The following WDR59 variants were observed in gnomAD, a reference collection of about 807,000 sequenced individuals.
The protein encoded by WDR59 is WD repeat domain 59.
Under a neutral mutation model 131.2 loss-of-function variants are expected in WDR59, and 100 were observed. The ratio of observed to expected loss-of-function variants is 0.76; its 90% CI spans 0.65 to 0.90. WDR59 has a LOEUF of 0.90. Ranked by LOEUF, WDR59 falls within the 40% of genes least tolerant of loss-of-function variation. The probability of loss-of-function intolerance (pLI) is 0.00; values close to 1 mark genes in which losing one functional copy is unlikely to be tolerated. For missense variants in WDR59, 1,203 were observed against 1,262.2 expected (o/e 0.95, Z 0.71); for synonymous variants, 601 against 466.2 (o/e 1.29, Z -3.72).
intron 6 of WDR59, among the ~76,000 whole-genome samples, chr16:74,944,604 G>C (rs1456271954): frequency 6.6e-6 from 1 of 152,004 alleles, no homozygotes; most frequent in African/African-American, 2.4e-5. Flanking sequence ...CCCCCTGAGA[G>C]ATGGGGACCA....
intron 3 of WDR59, among the ~76,000 whole-genome samples, chr16:74,956,249 C>G (rs191854603): frequency 5.9e-5 from 9 of 152,310 alleles, no homozygotes; most frequent in Non-Finnish European, 4.4e-5. Flanking sequence ...CTTTCAAAAT[C>G]TGAATTCAGT....
In WDR59 at chr16:74,886,414, G is replaced by A; in HGVS notation, c.2420-18C>T. The A allele has an allele frequency of 6.2e-7, 1 of 1,610,226 alleles. No individual in the cohort carries two copies. ...TCTTCCCGCTGAAGAAAATCAAATG[G>A]GAAGGGAAGATGGCAATCAGAGAAG... On this transcript the variant is annotated intron_variant, in intron 23 of 25. Coordinates refer to ENST00000262144, the MANE Select transcript of WDR59 (RefSeq NM_030581.4).
intron 18 of WDR59, among the ~76,000 whole-genome samples, chr16:74,894,145 T>C (rs910651730): frequency 6.6e-6 from 1 of 152,176 alleles, no homozygotes; most frequent in South Asian, 2.1e-4. Flanking sequence ...GGGAGAACAA[T>C]TTTTAGATTG....
chr16:74,912,316 T>G lies in WDR59; in HGVS notation c.1271A>C (p.Asn424Thr). 1.2e-6 allele frequency: 2 copies of G among 1,614,134 alleles called. No individual in the cohort carries two copies. The highest frequency in any genetic ancestry group is 2.2e-5 in the South Asian group (2 of 91,084). The change falls in exon 14 of 26, where the codon AAC (asparagine) becomes ACC (threonine). Residue 424 changes from asparagine (N) to threonine (T), a missense_variant. Physicochemically the swap from Asn to Thr is moderately conservative, Grantham distance 65. Transcript: ENST00000262144. ...CTTCACCAGCATCTTGACACGATGG[T>G]TGCTGCAGTGCACAGACACTGTGCA... ...RSCTVSVHCS[N>T]HRVKMLVKFP... is the part of the protein sequence containing the mutation.
At chr16:74,944,698 C>T (rs1214820905) in intron 6 of WDR59, among the ~76,000 whole-genome samples, 1 of 152,104 alleles carries the variant, frequency 6.6e-6, no homozygotes, top group East Asian at 1.9e-4. Flanking sequence ...CCACAAGCCT[C>T]TCACTTGCCT....
chr16:74,910,443 G>A (rs572766192), intron 14 of WDR59, among the ~76,000 whole-genome samples: 3 of 152,282 alleles, frequency 2.0e-5, no homozygotes, highest in African/African-American at 7.2e-5. Flanking sequence ...AATCAAGGCA[G>A]CACACGTGGA....
At chr16:74,907,523 G>C (rs970859254) in intron 17 of WDR59, among the ~76,000 whole-genome samples, 4 of 152,114 alleles carry the variant, frequency 2.6e-5, no homozygotes, top group Non-Finnish European at 4.4e-5. Context: ...TAAGTTTCCT[G>C]AGGCCTCTCC....
At chr16:74,913,703 A>C (rs1158120854) in intron 13 of WDR59, among the ~76,000 whole-genome samples, 1 of 152,122 alleles carries the variant, frequency 6.6e-6, no homozygotes. Context: ...TAAATACCAG[A>C]CTCAACTTAA....
chr16:74,904,457 C>G, intron 17 of WDR59: 2 of 188,792 alleles, frequency 1.1e-5, no homozygotes, highest in South Asian at 1.9e-4. Flanking sequence ...ACGTCAAATA[C>G]CTAGGAATAA....
chr16:74,911,365 G>C (rs996267882), intron 14 of WDR59, among the ~76,000 whole-genome samples: 5 of 152,128 alleles, frequency 3.3e-5, no homozygotes, highest in Admixed American at 2.0e-4. Flanking sequence ...GGTTCCATGT[G>C]ATACCCCCAA....
intron 17 of WDR59, among the ~76,000 whole-genome samples, chr16:74,906,928 A>G (rs1965848324): frequency 6.6e-6 from 1 of 152,168 alleles, no homozygotes; most frequent in South Asian, 2.1e-4. Flanking sequence ...CATACACTTC[A>G]TATTTGTGTA....
intron 3 of WDR59, among the ~76,000 whole-genome samples, chr16:74,953,344 G>A (rs1035967950): frequency 1.5e-4 from 22 of 151,722 alleles, no homozygotes; most frequent in African/African-American, 3.6e-4. Context: ...ATGGTGGCAC[G>A]TGCCTGTAGT....
At position 74,984,949 on chromosome 16, in the gene WDR59, C is replaced by T. The variant is rs775316270; in HGVS notation, c.54+15G>A. 1 of 1,602,552 alleles carries T rather than the reference C, an allele frequency of 6.2e-7. No individual in the cohort carries two copies. The highest frequency in any genetic ancestry group is 1.3e-5 in the African/African-American group (1 of 74,850). Reference sequence around the variant, plus strand: ...GGACGCATGCCCAGAGGGCTCCACTCGGCCTCTAGCTCACCTGGGAGTCAC... The same window carrying T: ...GGACGCATGCCCAGAGGGCTCCACTTGGCCTCTAGCTCACCTGGGAGTCAC... On this transcript the variant is annotated intron_variant, in intron 1 of 25. Transcript: ENST00000262144.
At chr16:74,958,464 G>A (rs911845810) in intron 2 of WDR59, among the ~76,000 whole-genome samples, 1 of 150,844 alleles carries the variant, frequency 6.6e-6, no homozygotes, top group Non-Finnish European at 1.5e-5. Context: ...TTGGTGGCAG[G>A]CACCTGTAAT....
At chr16:74,887,581 A>C in intron 23 of WDR59, 102 bp downstream of exon 23, 1 of 1,132,654 alleles carries the variant, frequency 8.8e-7, no homozygotes, top group South Asian at 1.5e-5. Context: ...AGAAATAAGA[A>C]ATAAGAAAAA....
Position 74,874,271 on chromosome 16 carries a change from G to A in WDR59, c.2863C>T (p.Arg955Trp), listed in dbSNP as rs201968412. ...GHTSHMMEWF[R>W]TQEVCPTGCG... ...CCGGTGGGACACACCTCCTGGGTCCGAAACCACTCCATCATGTGGCTGGTG... is the reference window on the plus strand; with the variant it reads ...CCGGTGGGACACACCTCCTGGGTCCAAAACCACTCCATCATGTGGCTGGTG... Residue 955 changes from arginine (R) to tryptophan (W), a missense_variant, in exon 26 of 26, where the codon CGG becomes TGG. Arg to Trp is a moderately radical substitution (Grantham distance 101). Coordinates refer to ENST00000262144, the MANE Select transcript of WDR59 (RefSeq NM_030581.4). 2.4e-5 allele frequency: 38 copies of A among 1,614,162 alleles called. 1 individual carries two copies. The highest frequency in any genetic ancestry group is 3.3e-4 in the Middle Eastern group (2 of 6,062).
intron 1 of WDR59, among the ~76,000 whole-genome samples, chr16:74,981,643 T>TATATATATATAC (rs2034422586): frequency 8.8e-5 from 2 of 22,628 alleles, no homozygotes; most frequent in South Asian, 1.7e-3. Context: ...TATATATATA[T>TATATATATATAC]ATATATATAT....
Position 74,872,136 on chromosome 16 carries a change from A to G in WDR59, c.*2073T>C, listed in dbSNP as rs537466134. On this transcript the variant is annotated 3_prime_UTR_variant, in exon 26 of 26. Transcript: ENST00000262144. The stretch of plus-strand genomic sequence containing the variant: ...CATTTTCCTTAGCTATGTATGGTAC[A>G]TTGTGATCATTTTTCTCTTACACCA... 7.2e-5 allele frequency: 11 copies of G among 152,228 alleles called. No individual in the cohort carries two copies. Among genetic ancestry groups the G allele is most frequent in the Non-Finnish European group, 1.6e-4 (11 of 68,046 alleles). The allele number at this position is 152,228 out of a possible 1,614,324, so 9.4% of individuals were successfully genotyped here.
chr16:74,908,826 G>C (rs987056071), intron 17 of WDR59, 82 bp downstream of exon 17: 1 of 1,185,282 alleles, frequency 8.4e-7, no homozygotes, highest in Admixed American at 1.8e-5. Context: ...CTGTCCAAAA[G>C]CAAACTCAGT....
Sources: allele counts gnomAD v4.1 joint callset (sites outside exome capture counted in the v4.1 genomes callset), GRCh38; gene constraint gnomAD v4.1.1; transcripts MANE v1.5; gene names NCBI Gene and HGNC (gene_info 2026-07-23, HGNC 2026-07-21).